NPM1: variants seen among roughly 807,000 people sequenced by gnomAD.
NPM1 encodes nucleophosmin.
In NPM1, 1 loss-of-function variant was observed where a neutral mutation model predicts 44.1. The ratio of observed to expected loss-of-function variants is 0.02; its 90% CI spans 0.01 to 0.11. NPM1 has a LOEUF of 0.11. NPM1 is among the 10% of genes least tolerant of loss of function. The pLI, the probability that NPM1 is intolerant of heterozygous loss-of-function variation, is 1.00. For synonymous variants in NPM1, 126 were observed against 111.8 expected (o/e 1.13, Z -0.80); for missense variants, 197 against 347.8 (o/e 0.57, Z 3.45).
Position 171,387,984 on chromosome 5 carries a change from G to T in NPM1, c.36G>T (p.Leu12=). The T allele has an allele frequency of 1.2e-6, 2 of 1,612,610 alleles. No homozygotes were observed. The highest frequency in any genetic ancestry group is 2.2e-5 in the South Asian group (2 of 91,030). The part of the protein sequence containing the change: ...EDSMDMDMSP[L]RPQNYLFGCE... ...CGATGGACATGGACATGAGCCCCCT[G>T]AGGCCCCAGAACTATCTTTTCGGTA... Residue 12 remains leucine (L), a synonymous_variant, in exon 1 of 11, where the codon CTG becomes CTT. Coordinates refer to ENST00000296930, the MANE Select transcript of NPM1 (RefSeq NM_002520.7).
rs1236883435 is a variant in NPM1, at chr5:171,403,961, G to C, written c.670-1341G>C. ...ACGGGGCGGCTGGCCGGGTGGGGGG[G>C]CTGACCCCCCCATCTCCCGGACGGG... On this transcript the variant is annotated intron_variant, in intron 8 of 10. Coordinates refer to ENST00000296930, the MANE Select transcript of NPM1 (RefSeq NM_002520.7). Among the ~76,000 whole-genome samples, 2 of 78,226 alleles carry C rather than the reference G, an allele frequency of 2.6e-5. 1 individual carries two copies. Among genetic ancestry groups the C allele is most frequent in the Admixed American group, 2.3e-4 (2 of 8,524 alleles). The allele number at this position is 78,226 out of a possible 152,430, so 51.3% of individuals were successfully genotyped here.
chr5:171,392,763 T>C lies in NPM1; in HGVS notation c.406T>C (p.Leu136=), dbSNP rs780986538. 6.2e-7 allele frequency: 1 copy of C among 1,613,972 alleles called. No individual in the cohort carries two copies. Among genetic ancestry groups the C allele is most frequent in the South Asian group, 1.1e-5 (1 of 91,078 alleles). The change falls in exon 5 of 11, where the codon TTA becomes CTA. Residue 136 remains leucine (L), a synonymous_variant. Transcript: ENST00000296930. ...EDEEEEDVKL[L]SISGKRSAPG... ...TGAAGAGGAGGAGGATGTGAAACTCTTAAGTATATCTGGAAAGCGGTCTGC... is the reference window on the plus strand; with the variant it reads ...TGAAGAGGAGGAGGATGTGAAACTCCTAAGTATATCTGGAAAGCGGTCTGC...
chr5:171,390,700 A>G (rs534881641), intron 2 of NPM1, among the ~76,000 whole-genome samples: 1 of 150,972 alleles, frequency 6.6e-6, no homozygotes, highest in South Asian at 2.1e-4. Flanking sequence ...TAAGATTATT[A>G]TACCTTATTT....
Position 171,400,652 on chromosome 5 carries a change from C to T in NPM1, c.583-187C>T, listed in dbSNP as rs570729789. On this transcript the variant is annotated intron_variant, in intron 7 of 10. Transcript: ENST00000296930. ...TTGCATTTTTAGTAGACCACCATGT[C>T]GGCCAGGCTGGTCTCGAACTCCTGA... 2,215 of 496,902 alleles carry T rather than the reference C, an allele frequency of 4.5e-3. 11 individuals are homozygous for T. The highest frequency in any genetic ancestry group is 6.3e-3 in the Non-Finnish European group (1,739 of 275,534). 30.8% of individuals were successfully genotyped at this position (496,902 alleles called of 1,614,324 possible). A position where few individuals can be genotyped will look rare whatever the true frequency, so the allele number is the denominator to read the frequency against.
intron 6 of NPM1, among the ~76,000 whole-genome samples, chr5:171,394,137 G>A (rs1770748212): frequency 6.6e-6 from 1 of 151,006 alleles, no homozygotes; most frequent in Admixed American, 6.6e-5. Flanking sequence ...TGCCTCCTGG[G>A]TTCAAGCGAT....
At chr5:171,405,555 A>G (rs1169946853) in intron 9 of NPM1, 152 bp downstream of exon 9, 5 of 639,970 alleles carry the variant, frequency 7.8e-6, no homozygotes, top group South Asian at 5.4e-5. Flanking sequence ...AATTTCTTAT[A>G]AAACATTTAT....
intron 8 of NPM1, among the ~76,000 whole-genome samples, chr5:171,405,052 CTTAGCCTCCTGAG>C (rs1003761328): frequency 1.5e-4 from 23 of 152,148 alleles, no homozygotes; most frequent in Non-Finnish European, 3.2e-4. Flanking sequence ...ATCCTCCTGC[CTTAGCCTCCTGAG>C]TAGCTGGGAT....
At chr5:171,396,808 C>T (rs34338794) in intron 6 of NPM1, among the ~76,000 whole-genome samples, 2,199 of 152,198 alleles carry the variant, frequency 0.014, 29 homozygotes, top group South Asian at 0.067. Flanking sequence ...TGGTGAAACC[C>T]CGTCTCTGCT....
At chr5:171,409,945 A>C (rs933869146) in intron 10 of NPM1, among the ~76,000 whole-genome samples, 3 of 151,940 alleles carry the variant, frequency 2.0e-5, no homozygotes, top group African/African-American at 7.3e-5. Context: ...CTGTAGTTGC[A>C]CACCACCAAG....
At chr5:171,387,512 C>T, upstream of NPM1, 3 of 205,432 alleles carry the variant, frequency 1.5e-5, no homozygotes, top group South Asian at 1.8e-4. Flanking sequence ...GGGTGGGCTG[C>T]GCAGACTCTT....
Position 171,403,618 on chromosome 5 carries a change from G to A in NPM1, c.670-1684G>A, listed in dbSNP as rs1396734714. Among the ~76,000 whole-genome samples, 34 of 117,598 alleles carry A rather than the reference G, an allele frequency of 2.9e-4. No individual in the cohort carries two copies. The East Asian group carries it at 3.5e-3, about 12-fold the overall frequency. 77.1% of individuals were successfully genotyped at this position (117,598 alleles called of 152,430 possible). A position where few individuals can be genotyped will look rare whatever the true frequency, so the allele number is the denominator to read the frequency against. ...GCGCCCCTCACCTCCCGGACGGGGC[G>A]GCTGGCCGGGCAGGGGGGCTGACCC... is the stretch of plus-strand genomic sequence containing the variant. On this transcript the variant is annotated intron_variant, in intron 8 of 10. Transcript: ENST00000296930.
At chr5:171,406,045 T>C (rs1771543459) in intron 9 of NPM1, among the ~76,000 whole-genome samples, 1 of 152,184 alleles carries the variant, frequency 6.6e-6, no homozygotes, top group Non-Finnish European at 1.5e-5. Flanking sequence ...AATAAATGGT[T>C]TAAATGCCTT....
At chr5:171,405,466 A>G (rs993856728) in intron 9 of NPM1, 63 bp downstream of exon 9, 6 of 727,576 alleles carry the variant, frequency 8.2e-6, no homozygotes, top group Non-Finnish European at 1.2e-5. Flanking sequence ...TCTGGTTTGC[A>G]TAGACTTGAA....
At chr5:171,391,571 G>C in intron 3 of NPM1, 135 bp from the exon 4 acceptor site, 2 of 1,168,614 alleles carry the variant, frequency 1.7e-6, no homozygotes, top group East Asian at 2.3e-5. Flanking sequence ...TTGAACATGG[G>C]GGCTTCTGCT....
intron 6 of NPM1, 117 bp downstream of exon 6, chr5:171,393,095 A>G: frequency 7.7e-7 from 1 of 1,303,008 alleles, no homozygotes; most frequent in Non-Finnish European, 1.0e-6. Context: ...CATCCTATGT[A>G]ATAGTTTATA....
chr5:171,388,914 T>A (rs1403365831), intron 1 of NPM1, among the ~76,000 whole-genome samples: 1 of 152,206 alleles, frequency 6.6e-6, no homozygotes, highest in Non-Finnish European at 1.5e-5. Context: ...CCAAGACGCT[T>A]GACTCCGTAG....
In NPM1 at chr5:171,400,932, G is replaced by T. The variant is rs1172250623; in HGVS notation, c.669+7G>T. The stretch of plus-strand genomic sequence containing the variant: ...ATCAACACCAAGATCAAAAGTAAGT[G>T]GCTACATTTACACGTGGGTCTCATT... On this transcript the variant is annotated splice_region_variant and intron_variant, in intron 8 of 10. Coordinates refer to ENST00000296930, the MANE Select transcript of NPM1 (RefSeq NM_002520.7). 6.3e-7 allele frequency: 1 copy of T among 1,591,284 alleles called. No homozygotes were observed. The highest frequency in any genetic ancestry group is 8.6e-7 in the Non-Finnish European group (1 of 1,160,460).
intron 6 of NPM1, 29 bp downstream of exon 6, chr5:171,393,007 C>T: frequency 1.3e-6 from 2 of 1,594,666 alleles, no homozygotes; most frequent in Non-Finnish European, 1.7e-6. Flanking sequence ...ACTTGATATA[C>T]TTCCGGAATC....
At chr5:171,396,497 A>T (rs1770893164) in intron 6 of NPM1, among the ~76,000 whole-genome samples, 2 of 152,250 alleles carry the variant, frequency 1.3e-5, no homozygotes, top group African/African-American at 4.8e-5. Flanking sequence ...CAGCTTTTTA[A>T]GTTATGATAC....
Sources: gnomAD v4.1 joint callset for allele counts (sites outside exome capture counted in the v4.1 genomes callset) on GRCh38, gnomAD v4.1.1 for gene constraint, MANE v1.5 for transcripts, NCBI Gene and HGNC (gene_info 2026-07-23, HGNC 2026-07-21) for gene names.